The following ADCY4 variants were observed in gnomAD, a reference collection of about 807,000 sequenced individuals.
ADCY4 encodes the protein adenylate cyclase type 4.
A neutral mutation model predicts 125.5 loss-of-function variants in ADCY4; 111 were observed. That is an observed-to-expected ratio of 0.88 (90% CI 0.76 to 1.04). The LOEUF (loss-of-function observed/expected upper bound fraction) is 1.04, where lower values mean the gene tolerates loss of function less well. Among genes scored for constraint, ADCY4 ranks in the 50% least tolerant of loss-of-function variants. The pLI, the probability that ADCY4 is intolerant of heterozygous loss-of-function variation, is 0.00. For missense variants in ADCY4, 1,256 were observed against 1,382.9 expected, an observed-to-expected ratio of 0.91 and a Z score of 1.46; for synonymous variants, 576 against 586.9, an observed-to-expected ratio of 0.98 and a Z score of 0.27.
chr14:24,323,835 T>G (rs1248830591), intron 16 of ADCY4, among the ~76,000 whole-genome samples: 2 of 152,218 alleles, frequency 1.3e-5, no homozygotes, highest in Non-Finnish European at 2.9e-5. Flanking sequence ...AGTAACTGCC[T>G]ACACAGAAAA....
rs777778147 is a variant in ADCY4 at position 24,329,939 on chromosome 14, C to G, written c.1138G>C (p.Gly380Arg). Residue 380 changes from glycine to arginine, a missense_variant, in exon 8 of 25, where the codon GGG becomes CGG. Physicochemically the swap from Gly to Arg is moderately radical, Grantham distance 125. Transcript: ENST00000418030. ...HSGSVLCGVIGLQKWQYDVWS... is the reference protein window; with the variant it reads ...HSGSVLCGVIRLQKWQYDVWS... ...ACGTCGTACTGCCACTTCTGCAGCC[C>G]GATGACTCCACACAGTACGCTGCCT... The G allele has an allele frequency of 5.0e-6, 8 of 1,614,010 alleles. No individual in the cohort carries two copies. Among genetic ancestry groups the G allele is most frequent in the Middle Eastern group, 1.6e-4 (1 of 6,082 alleles).
rs1010382134 is a variant in ADCY4 at position 24,333,231 on chromosome 14, T to G, written c.160-243A>C. On this transcript the variant is annotated intron_variant, in intron 1 of 24. Coordinates refer to ENST00000418030, the MANE Select transcript of ADCY4 (RefSeq NM_001198568.2). ...TATGGTTTTTGTTGGTTGGTTGGTT[T>G]GTTTTTTGAGACAGAGTCTTGCTCT... is the stretch of plus-strand genomic sequence containing the variant. Among the ~76,000 whole-genome samples the G allele has an allele frequency of 1.3e-3, 204 of 152,186 alleles. 2 individuals are homozygous for G. The highest frequency in any genetic ancestry group is 4.0e-3 in the African/African-American group (166 of 41,444).
chr14:24,323,206 A>G, intron 17 of ADCY4, 118 bp from the exon 18 acceptor site: 2 of 1,354,984 alleles, frequency 1.5e-6, no homozygotes, highest in Non-Finnish European at 2.0e-6. Flanking sequence ...AGGGGGCATC[A>G]TACACACTGA....
chr14:24,328,782 G>A, intron 10 of ADCY4: 1 of 433,788 alleles, frequency 2.3e-6, no homozygotes, highest in Middle Eastern at 6.0e-4. Flanking sequence ...TCGCACACAG[G>A]GAGAGACCCA....
Position 24,319,686 on chromosome 14 carries a change from G to C in ADCY4, c.2733+56C>G. The C allele has an allele frequency of 6.2e-7, 1 of 1,607,920 alleles. No homozygotes were observed. The highest frequency in any genetic ancestry group is 8.5e-7 in the Non-Finnish European group (1 of 1,175,998). On this transcript the variant is annotated intron_variant, in intron 21 of 24. Transcript: ENST00000418030. This position sits in a 1 kb window ranked among gnomAD's most constrained non-coding sequence, Gnocchi z 4.5. ...GAAAAGCAAAGTGGAAGGAGGTACT[G>C]GTGGAAAATTCTAGAATCTAGGACA...
intron 16 of ADCY4, 105 bp downstream of exon 16, chr14:24,323,957 C>T (rs971907674): frequency 2.1e-6 from 3 of 1,458,960 alleles, no homozygotes; most frequent in Non-Finnish European, 2.8e-6. Context: ...TCCAGCATCC[C>T]CTGGGCTTAG....
chr14:24,322,588 A>G, intron 19 of ADCY4, 36 bp downstream of exon 19: 2 of 1,601,024 alleles, frequency 1.2e-6, no homozygotes, highest in Non-Finnish European at 1.7e-6. Context: ...GGCCACTCAT[A>G]GGTGGGCCCT....
chr14:24,326,619 G>GTGAC (rs2041950407), intron 10 of ADCY4: 3 of 363,088 alleles, frequency 8.3e-6, no homozygotes, highest in African/African-American at 6.3e-5. Context: ...GTGTGTGACT[G>GTGAC]AATCTTGCTC....
Position 24,330,308 on chromosome 14 carries a change from A to T in ADCY4, c.931-13T>A. ...TGCATTCATGCTCCTGGGAGTGTGT[A>T]TGTGGGTGTGCAGAGGAACCTGGTT... On this transcript the variant is annotated splice_polypyrimidine_tract_variant and intron_variant, in intron 6 of 24. Transcript: ENST00000418030. 18 of 1,613,950 alleles carry T rather than the reference A, an allele frequency of 1.1e-5. No individual in the cohort carries two copies. Among genetic ancestry groups the T allele is most frequent in the Non-Finnish European group, 1.5e-5 (18 of 1,179,902 alleles).
At chr14:24,322,585 C>G in intron 19 of ADCY4, 39 bp downstream of exon 19, 1 of 1,602,082 alleles carries the variant, frequency 6.2e-7, no homozygotes. Flanking sequence ...GGGGGCCACT[C>G]ATAGGTGGGC....
Position 24,319,982 on chromosome 14 carries a change from C to T in ADCY4, c.2587-94G>A. ...GGCCCTCCTCCCCATGTCCACACTC[C>T]TGGTCTCCCTGTTTAAGAAGAATTG... On this transcript the variant is annotated intron_variant, in intron 20 of 24. Coordinates refer to ENST00000418030, the MANE Select transcript of ADCY4 (RefSeq NM_001198568.2). The surrounding 1 kb of genome is among the most constrained non-coding windows in gnomAD (Gnocchi z 4.5). The T allele has an allele frequency of 2.1e-6, 3 of 1,431,232 alleles. No individual in the cohort carries two copies. Among genetic ancestry groups the T allele is most frequent in the Non-Finnish European group, 2.8e-6 (3 of 1,061,096 alleles). 88.7% of individuals were successfully genotyped at this position (1,431,232 alleles called of 1,614,324 possible).
rs970433869 is a variant in ADCY4, at chr14:24,329,212, C to T, written c.1373G>A (p.Gly458Asp). The part of the protein sequence containing the change: ...DPRAEEEDEK[G>D]TAGGLLSSLE... The stretch of plus-strand genomic sequence containing the variant: ...CGAGGACAGCAAGCCTCCTGCAGTG[C>T]CCTTCTCATCCTCCTCCTCTGCCTG... The change falls in exon 10 of 25, where the codon GGC becomes GAC. Residue 458 changes from glycine to aspartate, a missense_variant. Physicochemically the swap from Gly to Asp is moderately conservative, Grantham distance 94. Coordinates refer to ENST00000418030, the MANE Select transcript of ADCY4 (RefSeq NM_001198568.2). 6.2e-7 allele frequency: 1 copy of T among 1,613,748 alleles called. No individual in the cohort carries two copies. The highest frequency in any genetic ancestry group is 8.5e-7 in the Non-Finnish European group (1 of 1,179,804).
At chr14:24,325,279 A>AG in intron 14 of ADCY4, 98 bp downstream of exon 14, 1 of 978,854 alleles carries the variant, frequency 1.0e-6, no homozygotes, top group Non-Finnish European at 1.6e-6. Flanking sequence ...CCTGAAGCTA[A>AG]GGGGAAGGGG....
In ADCY4 at chr14:24,332,801, G is replaced by A; in HGVS notation, c.347C>T (p.Ala116Val). 1.3e-6 allele frequency: 2 copies of A among 1,555,484 alleles called. No homozygotes were observed. Among genetic ancestry groups the A allele is most frequent in the Non-Finnish European group, 8.7e-7 (1 of 1,147,134 alleles). Residue 116 changes from alanine to valine, a missense_variant, in exon 2 of 25, where the codon GCC (alanine) becomes GTC (valine). Physicochemically the swap from Ala to Val is moderately conservative, Grantham distance 64. Transcript: ENST00000418030. ...AFLFTGGVVSAWDQVSYFLFV... is the reference protein window; with the variant it reads ...AFLFTGGVVSVWDQVSYFLFV... Reference sequence around the variant, plus strand: ...TGCCGCCCCTCTCACCTGGTCCCAGGCGCTCACCACGCCCCCGGTGAACAG... The same window carrying A: ...TGCCGCCCCTCTCACCTGGTCCCAGACGCTCACCACGCCCCCGGTGAACAG...
In ADCY4 at chr14:24,333,105, T is replaced by C. The variant is rs1384105366; in HGVS notation, c.160-117A>G. On this transcript the variant is annotated intron_variant, in intron 1 of 24. Transcript: ENST00000418030. ...TTCTGAAAGGTGTCTCAAGCCTAAG[T>C]ACGAAAAGGAGGCAAGGCACCTCCG... 3.7e-6 allele frequency: 4 copies of C among 1,068,686 alleles called. No homozygotes were observed. The East Asian group carries it at 1.1e-4, about 29-fold the overall frequency. 66.2% of individuals were successfully genotyped at this position (1,068,686 alleles called of 1,614,324 possible).
At chr14:24,333,232 GT>G (rs914901792) in intron 1 of ADCY4, among the ~76,000 whole-genome samples, 1 of 152,052 alleles carries the variant, frequency 6.6e-6, no homozygotes, top group African/African-American at 2.4e-5. Flanking sequence ...TGGTTGGTTT[GT>G]TTTTTGAGAC....
chr14:24,319,620 G>A lies in ADCY4; in HGVS notation c.2733+122C>T. ...GGGTAGATCTGGGGGATCAGAGGAG[G>A]TGAGGGAGTACTGTGGAGGGGAGGA... On this transcript the variant is annotated intron_variant, in intron 21 of 24. Coordinates refer to ENST00000418030, the MANE Select transcript of ADCY4 (RefSeq NM_001198568.2). This position sits in a 1 kb window ranked among gnomAD's most constrained non-coding sequence, Gnocchi z 4.5. 7.5e-7 allele frequency: 1 copy of A among 1,339,014 alleles called. No homozygotes were observed. The highest frequency in any genetic ancestry group is 1.1e-6 in the Non-Finnish European group (1 of 950,804). The allele number at this position is 1,339,014 out of a possible 1,614,324, so 82.9% of individuals were successfully genotyped here.
At position 24,334,550 on chromosome 14, in the gene ADCY4, CCAG is replaced by C. The variant is rs770683845; in HGVS notation, c.100_102del (p.Leu34del). 2.1e-4 allele frequency: 327 copies of C among 1,559,540 alleles called. No individual in the cohort carries two copies. Among genetic ancestry groups the C allele is most frequent in the Admixed American group, 8.2e-4 (45 of 54,918 alleles). The stretch of plus-strand genomic sequence containing the variant: ...GCCGCGAGCGCACAGAGCACGATCC[CCAG>C]CAGCAGCAGCAGCAGCGGGTACTGC... On this transcript the variant is annotated inframe_deletion, in exon 1 of 25. Transcript: ENST00000418030.
rs373390780 is a variant in ADCY4 at position 24,326,299 on chromosome 14, C to A, written c.1568G>T (p.Arg523Leu). The stretch of plus-strand genomic sequence containing the variant: ...GGCAAAGACTTTGAGGCCTCCTCAC[C>A]GATCCAGGCTCCACTGGGTGCTGAA... The part of the protein sequence containing the change: ...ASFSTQWSLD[R>L]SRTPRGLDDE... The change falls in exon 11 of 25, where the codon CGG becomes CTG. Residue 523 changes from arginine to leucine, a missense_variant and splice_region_variant. Arg to Leu is a moderately radical substitution (Grantham distance 102, BLOSUM62 -2). Transcript: ENST00000418030. 17 of 1,613,926 alleles carry A rather than the reference C, an allele frequency of 1.1e-5. No homozygotes were observed. Among genetic ancestry groups the A allele is most frequent in the Non-Finnish European group, 2.5e-6 (3 of 1,180,026 alleles).
Sources: gnomAD v4.1 joint callset for allele counts (sites outside exome capture counted in the v4.1 genomes callset) on GRCh38, gnomAD v4.1.1 for gene constraint, Gnocchi (gnomAD v3.1) non-coding constraint, MANE v1.5 for transcripts, NCBI Gene and HGNC (gene_info 2026-07-23, HGNC 2026-07-21) for gene names.